The following LEF1 variants were observed in gnomAD, a reference collection of about 807,000 sequenced individuals.
The protein encoded by LEF1 is lymphoid enhancer-binding factor 1.
LEF1 carries 14 observed loss-of-function variants against 51.2 expected under a neutral mutation model. The observed-to-expected ratio is 0.27, with a 90% confidence interval of 0.18 to 0.43. The LOEUF is 0.43. Ranked by LOEUF, LEF1 falls within the 20% of genes least tolerant of loss-of-function variation. The pLI, the probability that LEF1 is intolerant of heterozygous loss-of-function variation, is 1.00. For synonymous variants in LEF1, 185 were observed against 183.2 expected (o/e 1.01, Z -0.08); for missense variants, 386 against 512.0 (o/e 0.75, Z 2.37).
intron 3 of LEF1, among the ~76,000 whole-genome samples, chr4:108,159,185 G>C (rs1219155553): frequency 6.6e-6 from 1 of 152,118 alleles, no homozygotes; most frequent in Non-Finnish European, 1.5e-5. Flanking sequence ...ATGGGGGAAT[G>C]GCAAGCGCTT....
rs539588877 is a variant in LEF1 at position 108,079,503 on chromosome 4, G to A, written c.834C>T (p.Asp278=). 63 of 1,614,144 alleles carry A rather than the reference G, an allele frequency of 3.9e-5. No individual in the cohort carries two copies. In the South Asian group the frequency reaches 5.9e-4, roughly 15 times the overall value. ...GGGTGGATACTTACACGTGCATTAG[G>A]TCACTGTCAGTGTGGGGATGTTCCT... ...VKQEHPHTDS[D]LMHVKPQHEQ... Residue 278 remains aspartate (D), a synonymous_variant, in exon 7 of 12, where the codon GAC becomes GAT. Coordinates refer to ENST00000265165, the MANE Select transcript of LEF1 (RefSeq NM_016269.5).
chr4:108,151,761 C>A (rs1560826168), intron 3 of LEF1, among the ~76,000 whole-genome samples: 1 of 152,186 alleles, frequency 6.6e-6, no homozygotes, highest in South Asian at 2.1e-4. Context: ...AACGTCTAGT[C>A]CATGGATTCT....
intron 3 of LEF1, among the ~76,000 whole-genome samples, chr4:108,143,082 A>G (rs1399030436): frequency 6.6e-6 from 1 of 152,142 alleles, no homozygotes; most frequent in East Asian, 1.9e-4. Context: ...ATTGGCGAAC[A>G]AAAGCCATCT....
chr4:108,112,863 CA>C (rs1329796041), intron 3 of LEF1, among the ~76,000 whole-genome samples: 38 of 152,304 alleles, frequency 2.5e-4, no homozygotes, highest in African/African-American at 8.7e-4. Context: ...AAGGCAGAGT[CA>C]AACCAGAGTC....
chr4:108,069,500 C>T (rs1309890776), intron 9 of LEF1, among the ~76,000 whole-genome samples: 7 of 152,150 alleles, frequency 4.6e-5, no homozygotes, highest in African/African-American at 1.4e-4. Context: ...GATATACCTA[C>T]ACTGAATAGA....
At chr4:108,089,386 G>A (rs1244463593) in intron 3 of LEF1, 129 bp from the exon 4 acceptor site, 4 of 908,418 alleles carry the variant, frequency 4.4e-6, no homozygotes, top group Admixed American at 3.1e-5. Flanking sequence ...TTCAGACCTG[G>A]ACAGGTGGAA....
chr4:108,083,691 A>G (rs1270397407), intron 4 of LEF1, among the ~76,000 whole-genome samples: 2 of 152,248 alleles, frequency 1.3e-5, no homozygotes, highest in African/African-American at 4.8e-5. Context: ...TAGTAATACA[A>G]TCATCAAAAT....
intron 4 of LEF1, among the ~76,000 whole-genome samples, chr4:108,084,059 T>C (rs908296544): frequency 5.3e-5 from 8 of 152,194 alleles, no homozygotes; most frequent in Non-Finnish European, 1.2e-4. Flanking sequence ...CTGGATTAGC[T>C]GAATTCCACA....
Position 108,083,379 on chromosome 4 carries a change from T to C in LEF1, c.615A>G (p.Gly205=). Residue 205 remains glycine (G), a synonymous_variant, in exon 5 of 12, where the codon GGA becomes GGG. Transcript: ENST00000265165. ...TFYPLSPGGV[G]QITPPLGWQG... ...ACCAGCCAAGAGGTGGGGTGATCTG[T>C]CCAACACCACCCGGAGACAAGGGAT... 6.2e-7 allele frequency: 1 copy of C among 1,613,122 alleles called. No individual in the cohort carries two copies.
chr4:108,056,726 G>C (rs1347370720), intron 11 of LEF1, among the ~76,000 whole-genome samples: 1 of 152,046 alleles, frequency 6.6e-6, no homozygotes, highest in African/African-American at 2.4e-5. Context: ...CCTCAGACTG[G>C]AGCATTCCCA....
chr4:108,138,133 C>A (rs1183000654), intron 3 of LEF1, among the ~76,000 whole-genome samples: 2 of 152,202 alleles, frequency 1.3e-5, no homozygotes, highest in African/African-American at 2.4e-5. Flanking sequence ...GGACTCAGTT[C>A]TTTCCTCCAC....
At chr4:108,060,121 G>A (rs1031530380) in intron 11 of LEF1, among the ~76,000 whole-genome samples, 34 of 152,184 alleles carry the variant, frequency 2.2e-4, no homozygotes, top group African/African-American at 7.2e-4. Flanking sequence ...GCAATGCTTC[G>A]AATATCCCAG....
intron 3 of LEF1, among the ~76,000 whole-genome samples, chr4:108,129,952 G>C (rs957855430): frequency 6.6e-6 from 1 of 152,112 alleles, no homozygotes; most frequent in Non-Finnish European, 1.5e-5. Context: ...ATTTAGGAAA[G>C]AAACATGGTC....
chr4:108,166,625 C>CCCACGTGT, intron 1 of LEF1: 1 of 1,065,652 alleles, frequency 9.4e-7, no homozygotes, highest in Non-Finnish European at 1.1e-6. Context: ...CTAGCCAGCA[C>CCCACGTGT]CCACGTGTCT....
At chr4:108,133,075 G>A (rs1159192262) in intron 3 of LEF1, among the ~76,000 whole-genome samples, 1 of 152,046 alleles carries the variant, frequency 6.6e-6, no homozygotes, top group Non-Finnish European at 1.5e-5. Context: ...CCAGGTTCAA[G>A]CGCTTCTCCT....
At chr4:108,108,917 AT>A (rs1009201581) in intron 3 of LEF1, among the ~76,000 whole-genome samples, 3 of 152,182 alleles carry the variant, frequency 2.0e-5, no homozygotes, top group African/African-American at 7.2e-5. Flanking sequence ...TGTGTATTTC[AT>A]TTTGTATCTG....
chr4:108,050,816 C>A (rs1194469770), intron 11 of LEF1, among the ~76,000 whole-genome samples: 1 of 152,084 alleles, frequency 6.6e-6, no homozygotes, highest in Non-Finnish European at 1.5e-5. Flanking sequence ...GCCATCCCAC[C>A]ACTGCCTGGC....
intron 5 of LEF1, chr4:108,083,138 T>C (rs906779547): frequency 5.4e-6 from 3 of 555,388 alleles, no homozygotes; most frequent in Admixed American, 3.2e-5. Context: ...AATGCTACAG[T>C]CATTTTCTAC....
At chr4:108,111,854 T>C (rs563645443) in intron 3 of LEF1, among the ~76,000 whole-genome samples, 2 of 152,322 alleles carry the variant, frequency 1.3e-5, no homozygotes, top group East Asian at 3.9e-4. Context: ...TCCAGTGAGC[T>C]GTGATTGCGC....
Sources: allele counts gnomAD v4.1 joint callset (sites outside exome capture counted in the v4.1 genomes callset), GRCh38; gene constraint gnomAD v4.1.1; transcripts MANE v1.5; gene names NCBI Gene and HGNC (gene_info 2026-07-23, HGNC 2026-07-21).